The following CERKL variants were observed in gnomAD, a reference collection of about 807,000 sequenced individuals.
CERKL encodes CERK like autophagy regulator.
Under a neutral mutation model 63.4 loss-of-function variants are expected in CERKL, and 61 were observed. The observed-to-expected ratio is 0.96, with a 90% CI of 0.78 to 1.19. The LOEUF is 1.19. CERKL is among the 50% of genes most tolerant of loss of function. The probability of loss-of-function intolerance (pLI) is 0.00; values close to 1 mark genes in which losing one functional copy is unlikely to be tolerated. For missense variants in CERKL, 675 were observed against 655.5 expected (o/e 1.03, Z -0.33); for synonymous variants, 250 against 230.5 (o/e 1.08, Z -0.77).
chr2:181,614,241 G>A (rs533049211), intron 1 of CERKL, among the ~76,000 whole-genome samples: 58 of 152,140 alleles, frequency 3.8e-4, no homozygotes, highest in South Asian at 1.0e-3. Context: ...GAAGGTTCAA[G>A]GTTCTAGAGA....
intron 3 of CERKL, among the ~76,000 whole-genome samples, chr2:181,572,274 C>A (rs886178363): frequency 1.3e-5 from 2 of 152,090 alleles, no homozygotes; most frequent in Non-Finnish European, 2.9e-5. Flanking sequence ...TTTATGTATA[C>A]CCCAGTTATA....
Position 181,537,724 on chromosome 2 carries a change from C to A in CERKL, c.*460G>T, listed in dbSNP as rs1451010303. ...ATGGTTGCAAAGTTTTTTTGTGTGT[C>A]CAATAAACACATTGTAAAAAAAAGA... On this transcript the variant is annotated 3_prime_UTR_variant, in exon 13 of 13. Transcript: ENST00000410087. 2 of 434,210 alleles carry A rather than the reference C, an allele frequency of 4.6e-6. No homozygotes were observed. The highest frequency in any genetic ancestry group is 9.2e-6 in the Non-Finnish European group (2 of 217,382). 26.9% of individuals were successfully genotyped at this position (434,210 alleles called of 1,614,324 possible).
intron 10 of CERKL, among the ~76,000 whole-genome samples, chr2:181,546,883 C>T (rs944155258): frequency 2.0e-5 from 3 of 152,144 alleles, no homozygotes; most frequent in Admixed American, 1.3e-4. Context: ...TATGGTTTGG[C>T]TTTGTGTTCC....
chr2:181,553,135 G>C (rs1435657161), intron 5 of CERKL, among the ~76,000 whole-genome samples: 1 of 152,216 alleles, frequency 6.6e-6, no homozygotes, highest in Non-Finnish European at 1.5e-5. Context: ...CACAAGGTGA[G>C]TCTATGGACC....
In CERKL at chr2:181,590,300, G is replaced by A. The variant is rs184371308; in HGVS notation, c.481+13537C>T. Among the ~76,000 whole-genome samples, 49 of 152,022 alleles carry A rather than the reference G, an allele frequency of 3.2e-4. No homozygotes were observed. The East Asian group carries it at 6.0e-3, about 19-fold the overall frequency. On this transcript the variant is annotated intron_variant, in intron 2 of 12. Coordinates refer to ENST00000410087, the MANE Select transcript of CERKL (RefSeq NM_201548.5). ...TCACAAGCATGTGCCACCAAGCCCAGCTAATGTTCTTCTATTTTTAGTAGA... is the reference window on the plus strand; with the variant it reads ...TCACAAGCATGTGCCACCAAGCCCAACTAATGTTCTTCTATTTTTAGTAGA...
chr2:181,654,629 C>A (rs1190068334), intron 1 of CERKL, among the ~76,000 whole-genome samples: 1 of 152,230 alleles, frequency 6.6e-6, no homozygotes, highest in Non-Finnish European at 1.5e-5. Context: ...CCTACCATAT[C>A]ATGTCCTCCC....
chr2:181,627,399 T>C (rs371058755), intron 1 of CERKL, among the ~76,000 whole-genome samples: 4 of 152,158 alleles, frequency 2.6e-5, no homozygotes, highest in Admixed American at 1.3e-4. Flanking sequence ...AAAGATATCA[T>C]TGAAATAAGA....
chr2:181,538,339 T>G (rs1687304410), intron 12 of CERKL, 95 bp from the exon 13 acceptor site: 1 of 720,992 alleles, frequency 1.4e-6, no homozygotes, highest in Non-Finnish European at 2.5e-6. Flanking sequence ...AAATACAAAT[T>G]GATAACAAAC....
intron 11 of CERKL, among the ~76,000 whole-genome samples, chr2:181,539,492 C>T (rs773889303): frequency 6.6e-6 from 1 of 151,990 alleles, no homozygotes; most frequent in African/African-American, 2.4e-5. Flanking sequence ...TGTTTTATGA[C>T]AAATAGTACA....
chr2:181,620,655 A>C (rs1454106846), intron 1 of CERKL, among the ~76,000 whole-genome samples: 2 of 152,222 alleles, frequency 1.3e-5, no homozygotes, highest in East Asian at 3.8e-4. Context: ...TAGGACCAGG[A>C]AAGAGGTAGA....
Position 181,650,953 on chromosome 2 carries a change from C to A in CERKL, c.238+5816G>T, listed in dbSNP as rs10201723. The stretch of plus-strand genomic sequence containing the variant: ...GATAACATAGAAAAAACGAAGTCCC[C>A]GACACATACAACCTATCAAGATTAA... On this transcript the variant is annotated intron_variant, in intron 1 of 12. Coordinates refer to ENST00000410087, the MANE Select transcript of CERKL (RefSeq NM_201548.5). 2.0e-4 allele frequency among the ~76,000 whole-genome samples: 31 copies of A among 151,846 alleles called. No homozygotes were observed. The South Asian group carries it at 3.3e-3, about 16-fold the overall frequency.
intron 2 of CERKL, among the ~76,000 whole-genome samples, chr2:181,599,994 A>G (rs1210422640): frequency 6.6e-6 from 1 of 152,244 alleles, no homozygotes; most frequent in Non-Finnish European, 1.5e-5. Flanking sequence ...TCAGACTAAT[A>G]GAGGACTTCT....
chr2:181,579,348 T>C (rs926767038), intron 2 of CERKL, among the ~76,000 whole-genome samples: 1 of 151,984 alleles, frequency 6.6e-6, no homozygotes, highest in Non-Finnish European at 1.5e-5. Flanking sequence ...AGTGAAATAC[T>C]GTATGTGACT....
intron 1 of CERKL, among the ~76,000 whole-genome samples, chr2:181,618,019 A>C (rs1005648448): frequency 6.6e-6 from 1 of 152,180 alleles, no homozygotes; most frequent in African/African-American, 2.4e-5. Flanking sequence ...AGTTGAAAAA[A>C]CTCAGAAAGT....
chr2:181,609,532 C>CAAAAAAAAAAAAAAAAAAAAAAAAAA (rs1574495419), intron 1 of CERKL, among the ~76,000 whole-genome samples: 1 of 16,328 alleles, frequency 6.1e-5, no homozygotes, highest in Non-Finnish European at 9.4e-5. Context: ...CCTGTCTCTA[C>CAAAAAAAAAAAAAAAAAAAAAAAAAA]TAAAAAAAAA....
intron 5 of CERKL, among the ~76,000 whole-genome samples, chr2:181,557,365 T>C (rs918516653): frequency 6.6e-6 from 1 of 152,234 alleles, no homozygotes; most frequent in Non-Finnish European, 1.5e-5. Context: ...AGGGTTTTTA[T>C]GGTTTTAAGT....
intron 2 of CERKL, 108 bp from the exon 3 acceptor site, chr2:181,573,992 G>A: frequency 1.1e-6 from 1 of 935,432 alleles, no homozygotes; most frequent in Non-Finnish European, 1.6e-6. Flanking sequence ...CATTTAAATA[G>A]TATTTGCTAT....
In CERKL at chr2:181,600,073, T is replaced by C. The variant is rs532814813; in HGVS notation, c.481+3764A>G. On this transcript the variant is annotated intron_variant, in intron 2 of 12. Transcript: ENST00000410087. ...TAGCCTCCTTAAAGAAAAAAGAAAA[T>C]GCCAGCCAAGAATTTCATAATCTGC... Among the ~76,000 whole-genome samples the C allele has an allele frequency of 8.6e-4, 131 of 152,170 alleles. 1 individual carries two copies. The highest frequency in any genetic ancestry group is 3.0e-3 in the African/African-American group (123 of 41,526).
At chr2:181,564,125 CA>C (rs1688564983) in intron 4 of CERKL, among the ~76,000 whole-genome samples, 1 of 152,106 alleles carries the variant, frequency 6.6e-6, no homozygotes, top group Non-Finnish European at 1.5e-5. Flanking sequence ...ATAGGGTTCG[CA>C]CTCCTGTGAG....
Sources: allele counts gnomAD v4.1 joint callset (sites outside exome capture counted in the v4.1 genomes callset), GRCh38; gene constraint gnomAD v4.1.1; transcripts MANE v1.5; gene names NCBI Gene and HGNC (gene_info 2026-07-23, HGNC 2026-07-21).